IMMP2L: variants seen among roughly 807,000 people sequenced by gnomAD.
The protein encoded by IMMP2L is mitochondrial inner membrane protease subunit 2.
IMMP2L carries 18 observed loss-of-function variants against 19.3 expected under a neutral mutation model. The ratio of observed to expected loss-of-function variants is 0.93; its 90% CI spans 0.64 to 1.38. The LOEUF is 1.38. IMMP2L is among the 40% of genes most tolerant of loss of function. The pLI is 0.00. For missense variants in IMMP2L, 233 were observed against 218.2 expected, an observed-to-expected ratio of 1.07 and a Z score of -0.43; for synonymous variants, 76 against 73.0, an observed-to-expected ratio of 1.04 and a Z score of -0.21.
At chr7:111,537,530 T>C (rs1847999659) in intron 1 of IMMP2L, among the ~76,000 whole-genome samples, 1 of 93,936 alleles carries the variant, frequency 1.1e-5, no homozygotes, top group South Asian at 3.1e-4. Flanking sequence ...ACTTCCACTT[T>C]TTTTTTTTTT....
chr7:111,252,140 A>G lies in IMMP2L; in HGVS notation c.239+235098T>C, dbSNP rs564165568. ...ATAGGTCATTTGGGAGCATAAAAAA[A>G]AAAAAGTCCCCTTCTTTTCAAAGTT... is the stretch of plus-strand genomic sequence containing the variant. On this transcript the variant is annotated intron_variant, in intron 3 of 5. Coordinates refer to ENST00000405709, the MANE Select transcript of IMMP2L (RefSeq NM_032549.4). 2.6e-3 allele frequency among the ~76,000 whole-genome samples: 395 copies of G among 152,280 alleles called. 2 individuals carry two copies. The highest frequency in any genetic ancestry group is 9.0e-3 in the African/African-American group (375 of 41,552).
At chr7:110,698,129 A>G (rs1469506441) in intron 5 of IMMP2L, among the ~76,000 whole-genome samples, 1 of 152,220 alleles carries the variant, frequency 6.6e-6, no homozygotes, top group African/African-American at 2.4e-5. Context: ...GGAATTAAAT[A>G]TGGTACAAGA....
At chr7:111,094,438 C>T (rs1489112282) in intron 3 of IMMP2L, among the ~76,000 whole-genome samples, 1 of 152,054 alleles carries the variant, frequency 6.6e-6, no homozygotes, top group Non-Finnish European at 1.5e-5. Flanking sequence ...GTGGCTCCAG[C>T]CAGTCTGAAG....
rs1846317020 is a variant in IMMP2L, at chr7:111,521,418, T to C, written c.30A>G (p.Arg10=). 2.5e-6 allele frequency: 4 copies of C among 1,612,656 alleles called. No individual in the cohort carries two copies. The highest frequency in any genetic ancestry group is 3.4e-6 in the Non-Finnish European group (4 of 1,179,140). MAQSQGWVK[R]YIKAFCKGFF... ...AGCCTTTACAAAAGGCCTTGATGTA[T>C]CTTTTCACCCACCCTTGTGACTGTG... Residue 10 remains arginine, a synonymous_variant, in exon 2 of 6, where the codon AGA becomes AGG. Coordinates refer to ENST00000405709, the MANE Select transcript of IMMP2L (RefSeq NM_032549.4).
chr7:110,953,560 G>A (rs1461186041), intron 4 of IMMP2L, among the ~76,000 whole-genome samples: 1 of 152,036 alleles, frequency 6.6e-6, no homozygotes, highest in African/African-American at 2.4e-5. Flanking sequence ...TCTTAATTCA[G>A]TCTATCATTG....
At chr7:111,172,729 A>C in intron 3 of IMMP2L, among the ~76,000 whole-genome samples, 1 of 151,518 alleles carries the variant, frequency 6.6e-6, no homozygotes, top group East Asian at 1.9e-4. Context: ...TTCCCATATG[A>C]GTGAGAACAG....
intron 3 of IMMP2L, among the ~76,000 whole-genome samples, chr7:111,042,089 T>C (rs909247638): frequency 4.6e-5 from 7 of 152,240 alleles, no homozygotes; most frequent in Non-Finnish European, 1.0e-4. Context: ...TAATTTATGA[T>C]TCTTAAAATA....
chr7:110,697,988 T>C (rs370372397), intron 5 of IMMP2L, among the ~76,000 whole-genome samples: 3 of 152,204 alleles, frequency 2.0e-5, no homozygotes, highest in East Asian at 3.9e-4. Flanking sequence ...TGGTTAAATA[T>C]ACATGTCACT....
chr7:110,770,867 A>G (rs1798986869), intron 5 of IMMP2L, among the ~76,000 whole-genome samples: 1 of 152,132 alleles, frequency 6.6e-6, no homozygotes, highest in Admixed American at 6.6e-5. Flanking sequence ...GGCAAAAGGA[A>G]TATCTGTCTG....
At chr7:111,378,521 T>C (rs17158537) in intron 3 of IMMP2L, among the ~76,000 whole-genome samples, 3,499 of 152,106 alleles carry the variant, frequency 0.023, 139 homozygotes, top group African/African-American at 0.08. Flanking sequence ...ATGAAGCAGG[T>C]ATTGTTATAA....
At chr7:111,296,377 A>T (rs1276280150) in intron 3 of IMMP2L, among the ~76,000 whole-genome samples, 1 of 152,006 alleles carries the variant, frequency 6.6e-6, no homozygotes, top group African/African-American at 2.4e-5. Flanking sequence ...ACACAAACAG[A>T]CATTTCGCCA....
chr7:111,018,166 A>C (rs1352483295), intron 3 of IMMP2L, among the ~76,000 whole-genome samples: 1 of 152,168 alleles, frequency 6.6e-6, no homozygotes, highest in East Asian at 1.9e-4. Flanking sequence ...GAATGTAATA[A>C]TTTCCTATAC....
intron 4 of IMMP2L, among the ~76,000 whole-genome samples, chr7:110,915,243 G>A (rs776119138): frequency 2.8e-5 from 4 of 141,984 alleles, no homozygotes; most frequent in Admixed American, 6.7e-5. Flanking sequence ...TCATGTGCAC[G>A]CGCGTGCGTG....
intron 4 of IMMP2L, among the ~76,000 whole-genome samples, chr7:110,901,745 G>A (rs777441631): frequency 6.6e-6 from 1 of 152,120 alleles, no homozygotes; most frequent in Non-Finnish European, 1.5e-5. Flanking sequence ...ATTAAGTGAA[G>A]ACTATTTTGT....
intron 3 of IMMP2L, among the ~76,000 whole-genome samples, chr7:111,463,176 C>CGTGTGT (rs200916257): frequency 2.0e-5 from 3 of 149,482 alleles, no homozygotes; most frequent in South Asian, 2.1e-4. Flanking sequence ...CATCATCTTC[C>CGTGTGT]GTGTGTGTGT....
intron 2 of IMMP2L, among the ~76,000 whole-genome samples, chr7:111,517,323 T>C (rs1845954969): frequency 6.6e-6 from 1 of 152,060 alleles, no homozygotes; most frequent in Non-Finnish European, 1.5e-5. Flanking sequence ...TCTGCATACA[T>C]TATCTCTAAG....
intron 3 of IMMP2L, among the ~76,000 whole-genome samples, chr7:111,261,210 A>G (rs1817277016): frequency 6.6e-6 from 1 of 152,108 alleles, no homozygotes; most frequent in African/African-American, 2.4e-5. Flanking sequence ...AAGTCTCCTG[A>G]AAGTTCTCTC....
rs768036614 is a variant in IMMP2L at position 111,123,966 on chromosome 7, C to A, written c.240-160401G>T. 1 of 1,613,968 alleles carries A rather than the reference C, an allele frequency of 6.2e-7. No individual in the cohort carries two copies. The highest frequency in any genetic ancestry group is 1.1e-5 in the South Asian group (1 of 91,072). ...AGCCAGATTCACTGTTTTGCGTGGA[C>A]CCACCTGAATTCCAAGGTCAGAATG... On this transcript the variant is annotated intron_variant, in intron 3 of 5. Transcript: ENST00000405709. The surrounding 1 kb of genome is among the most constrained non-coding windows in gnomAD (Gnocchi z 6.4).
At chr7:111,420,013 G>A (rs1422687852) in intron 3 of IMMP2L, among the ~76,000 whole-genome samples, 1 of 151,740 alleles carries the variant, frequency 6.6e-6, no homozygotes, top group Non-Finnish European at 1.5e-5. Flanking sequence ...GAGGATGGCT[G>A]CACCTGCACC....
Sources: gnomAD v4.1 joint callset for allele counts (sites outside exome capture counted in the v4.1 genomes callset) on GRCh38, gnomAD v4.1.1 for gene constraint, Gnocchi (gnomAD v3.1) non-coding constraint, MANE v1.5 for transcripts, NCBI Gene and HGNC (gene_info 2026-07-23, HGNC 2026-07-21) for gene names.